MTMR3: variants seen among roughly 807,000 people sequenced by gnomAD.
MTMR3 encodes phosphatidylinositol-3,5-bisphosphate 3-phosphatase MTMR3.
MTMR3 carries 32 observed loss-of-function variants against 132.4 expected under a neutral mutation model. The ratio of observed to expected loss-of-function variants is 0.24; its 90% CI spans 0.18 to 0.32. MTMR3 has a LOEUF of 0.32. MTMR3 is among the 10% of genes least tolerant of loss of function. The pLI is 1.00. For missense variants in MTMR3, 1,216 were observed against 1,489.6 expected (o/e 0.82, Z 3.02); for synonymous variants, 556 against 550.3 (o/e 1.01, Z -0.14).
chr22:29,940,022 C>G (rs1026240473), intron 1 of MTMR3, among the ~76,000 whole-genome samples: 5 of 152,212 alleles, frequency 3.3e-5, no homozygotes, highest in Admixed American at 1.3e-4. Flanking sequence ...AATCCCAGCA[C>G]TTCGGGAGGC....
intron 12 of MTMR3, chr22:30,010,283 A>T (rs2067382510): frequency 6.6e-6 from 1 of 152,180 alleles, no homozygotes; most frequent in African/African-American, 2.4e-5. Context: ...AAGACATGTA[A>T]TCAACACTAC....
intron 1 of MTMR3, among the ~76,000 whole-genome samples, chr22:29,897,779 A>G (rs1315323883): frequency 1.3e-5 from 2 of 152,156 alleles, no homozygotes; most frequent in Non-Finnish European, 2.9e-5. Context: ...TAAAATATGC[A>G]TACGGTTGGA....
chr22:29,954,469 C>T (rs563691919), intron 1 of MTMR3, among the ~76,000 whole-genome samples: 2 of 152,174 alleles, frequency 1.3e-5, no homozygotes, highest in African/African-American at 2.4e-5. Context: ...CAATGACACA[C>T]TGTTTCTAAC....
At chr22:29,944,733 A>G (rs1054934064) in intron 1 of MTMR3, among the ~76,000 whole-genome samples, 1 of 152,226 alleles carries the variant, frequency 6.6e-6, no homozygotes, top group African/African-American at 2.4e-5. Context: ...TTTTATTGTG[A>G]TAAAACTTTA....
At chr22:29,963,530 T>C (rs1443845289) in intron 2 of MTMR3, among the ~76,000 whole-genome samples, 3 of 151,722 alleles carry the variant, frequency 2.0e-5, no homozygotes, top group South Asian at 2.1e-4. Flanking sequence ...GCTGGGACTA[T>C]AGGCATGCAC....
intron 1 of MTMR3, among the ~76,000 whole-genome samples, chr22:29,949,540 AC>A (rs2066033178): frequency 6.9e-6 from 1 of 144,798 alleles, no homozygotes; most frequent in Non-Finnish European, 1.5e-5. Context: ...GTACACATAA[AC>A]CCACAAAAAA....
At chr22:30,019,265 G>T in intron 16 of MTMR3, 1 of 571,398 alleles carries the variant, frequency 1.8e-6, no homozygotes, top group Non-Finnish European at 3.1e-6. Flanking sequence ...GGGGCATGGG[G>T]TTGGGGGAGT....
intron 1 of MTMR3, among the ~76,000 whole-genome samples, chr22:29,917,254 A>G (rs1433760570): frequency 6.6e-6 from 1 of 152,220 alleles, no homozygotes; most frequent in Non-Finnish European, 1.5e-5. Context: ...GTTTAGGACT[A>G]TAGACTTCGG....
At chr22:30,004,251 T>A (rs1290679446) in intron 9 of MTMR3, 1 of 152,198 alleles carries the variant, frequency 6.6e-6, no homozygotes, top group Non-Finnish European at 1.5e-5. Context: ...GCTGAAGGGA[T>A]TTATGAGTCT....
chr22:30,029,042 G>C lies in MTMR3; in HGVS notation c.*3241G>C, dbSNP rs529796896. 2 of 152,512 alleles carry C rather than the reference G, an allele frequency of 1.3e-5. No individual in the cohort carries two copies. Among genetic ancestry groups the C allele is most frequent in the South Asian group, 4.1e-4 (2 of 4,824 alleles). The allele number at this position is 152,512 out of a possible 1,614,324, so 9.4% of individuals were successfully genotyped here. ...AGCTCCTAAATGGAAAGCTTCTCTGGGGGTAGGGAGATGAAGAGCCAAGAT... is the reference window on the plus strand; with the variant it reads ...AGCTCCTAAATGGAAAGCTTCTCTGCGGGTAGGGAGATGAAGAGCCAAGAT... On this transcript the variant is annotated 3_prime_UTR_variant, in exon 20 of 20. Coordinates refer to ENST00000401950, the MANE Select transcript of MTMR3 (RefSeq NM_021090.4).
intron 1 of MTMR3, among the ~76,000 whole-genome samples, chr22:29,923,358 C>T (rs898024781): frequency 5.9e-5 from 9 of 151,686 alleles, no homozygotes; most frequent in Admixed American, 5.9e-4. Flanking sequence ...AGGTGTGAGC[C>T]ACTGTGCCCA....
At chr22:29,925,907 T>C (rs1231234958) in intron 1 of MTMR3, among the ~76,000 whole-genome samples, 2 of 152,066 alleles carry the variant, frequency 1.3e-5, no homozygotes, top group African/African-American at 4.8e-5. Context: ...AGAACAAGAC[T>C]CGGTCTCAAA....
chr22:29,944,421 A>T (rs36606), intron 1 of MTMR3, among the ~76,000 whole-genome samples: 121,088 of 151,880 alleles, frequency 0.8, 48,903 homozygotes, highest in African/African-American at 0.93. Flanking sequence ...GTATCCTCAC[A>T]TAAAGTCATG....
At chr22:30,006,652 G>A (rs1250578821) in intron 9 of MTMR3, 4 of 157,826 alleles carry the variant, frequency 2.5e-5, no homozygotes, top group African/African-American at 9.6e-5. Context: ...CAGCCTTCTG[G>A]GTTCAAGGGA....
rs1284381457 is a variant in MTMR3 at position 30,012,652 on chromosome 22, C to T, written c.1317+89C>T. ...GATACCAGTTTTGGGAGTGGTGATT[C>T]GGTTAAAGAAAGTGAAATTTCTGTT... On this transcript the variant is annotated intron_variant, in intron 13 of 19. Coordinates refer to ENST00000401950, the MANE Select transcript of MTMR3 (RefSeq NM_021090.4). The T allele has an allele frequency of 8.6e-5, 115 of 1,339,738 alleles. No homozygotes were observed. The South Asian group carries it at 1.5e-3, about 17-fold the overall frequency. The allele number at this position is 1,339,738 out of a possible 1,614,324, so 83.0% of individuals were successfully genotyped here.
intron 3 of MTMR3, among the ~76,000 whole-genome samples, chr22:29,975,864 C>CG (rs1231165885): frequency 6.6e-6 from 1 of 152,218 alleles, no homozygotes; most frequent in African/African-American, 2.4e-5. Flanking sequence ...CTGTAGCCCC[C>CG]CAAAGTGCTG....
At chr22:29,994,503 T>C (rs1199814612) in intron 7 of MTMR3, 2 of 152,116 alleles carry the variant, frequency 1.3e-5, no homozygotes, top group East Asian at 3.9e-4. Context: ...CATCAAATAT[T>C]AGCATACCAG....
At chr22:29,892,963 C>T (rs1309948918) in intron 1 of MTMR3, among the ~76,000 whole-genome samples, 1 of 152,186 alleles carries the variant, frequency 6.6e-6, no homozygotes, top group African/African-American at 2.4e-5. Context: ...TTGTGACTTG[C>T]TTGAGACCAC....
At chr22:29,924,487 CAGTT>C (rs1444565193) in intron 1 of MTMR3, among the ~76,000 whole-genome samples, 1 of 152,148 alleles carries the variant, frequency 6.6e-6, no homozygotes, top group African/African-American at 2.4e-5. Flanking sequence ...GTTTTGCAGT[CAGTT>C]AGTGTGAGTT....
Sources: allele counts gnomAD v4.1 joint callset (sites outside exome capture counted in the v4.1 genomes callset), GRCh38; gene constraint gnomAD v4.1.1; transcripts MANE v1.5; gene names NCBI Gene and HGNC (gene_info 2026-07-23, HGNC 2026-07-21).